The following EIF3F variants were observed in gnomAD, a reference collection of about 807,000 sequenced individuals.
EIF3F encodes the protein deubiquitinating enzyme eIF3f.
In EIF3F, 8 loss-of-function variants were observed where a neutral mutation model predicts 36.0. The observed-to-expected ratio is 0.22, with a 90% CI of 0.13 to 0.40. EIF3F has a LOEUF of 0.40. Among genes scored for constraint, EIF3F ranks in the 10% least tolerant of loss-of-function variants. EIF3F has a pLI of 1.00. For missense variants in EIF3F, 430 were observed against 467.6 expected (o/e 0.92, Z 0.74); for synonymous variants, 184 against 188.5 (o/e 0.98, Z 0.19).
In EIF3F at chr11:7,987,462, C is replaced by G. The variant is rs1413048865; in HGVS notation, c.110C>G (p.Pro37Arg). 1 of 1,604,560 alleles carries G rather than the reference C, an allele frequency of 6.2e-7. No individual in the cohort carries two copies. Among genetic ancestry groups the G allele is most frequent in the African/African-American group, 1.3e-5 (1 of 74,798 alleles). The change falls in exon 1 of 8, where the codon CCG (proline) becomes CGG (arginine). Residue 37 changes from proline (P) to arginine (R), a missense_variant. Physicochemically the swap from Pro to Arg is moderately radical, Grantham distance 103. Coordinates refer to ENST00000651655, the MANE Select transcript of EIF3F (RefSeq NM_003754.3). ...PAPTPAPAAA[P>R]VPAAAPASSS... ...CCAACGCCAGCACCGGCTGCGGCTC[C>G]GGTTCCCGCTGCGGCTCCAGCCTCA...
Position 7,996,225 on chromosome 11 carries a change from C to T in EIF3F, c.*203C>T. 1 of 530,960 alleles carries T rather than the reference C, an allele frequency of 1.9e-6. No individual in the cohort carries two copies. The highest frequency in any genetic ancestry group is 3.4e-6 in the Non-Finnish European group (1 of 297,556). 32.9% of individuals were successfully genotyped at this position (530,960 alleles called of 1,614,324 possible). A position where few individuals can be genotyped will look rare whatever the true frequency, so the allele number is the denominator to read the frequency against. ...TGGAAGGGAGGAAAATGTTTTAGATCACACAGAAACTAGGAAGTGAATATT... is the reference window on the plus strand; with the variant it reads ...TGGAAGGGAGGAAAATGTTTTAGATTACACAGAAACTAGGAAGTGAATATT... On this transcript the variant is annotated 3_prime_UTR_variant, in exon 8 of 8. Transcript: ENST00000651655.
rs186189184 is a variant in EIF3F, at chr11:7,995,232, G to A, written c.883-22G>A. 3.3e-5 allele frequency: 53 copies of A among 1,611,062 alleles called. No individual in the cohort carries two copies. In the African/African-American group the frequency reaches 4.4e-4, roughly 13 times the overall value. The stretch of plus-strand genomic sequence containing the variant: ...AGTGGTTATAATTAACTGCCTCATC[G>A]AGTCTTTGTTTTGGTACTCAGTCTG... On this transcript the variant is annotated intron_variant, in intron 6 of 7. Coordinates refer to ENST00000651655, the MANE Select transcript of EIF3F (RefSeq NM_003754.3).
At chr11:7,991,939 G>C (rs879612019) in intron 2 of EIF3F, 88 bp downstream of exon 2, 1 of 1,532,378 alleles carries the variant, frequency 6.5e-7, no homozygotes, top group Non-Finnish European at 9.0e-7. Flanking sequence ...CTCATAACTA[G>C]AGCTCCTGTA....
chr11:8,001,824 A>T lies in EIF3F; in HGVS notation c.*5802A>T, dbSNP rs1455439575. Reference sequence around the variant, plus strand: ...TGCTGTTAATGTAATTTTTCAAAAAAATATATAAAAATATAAAAACATGAA... The same window carrying T: ...TGCTGTTAATGTAATTTTTCAAAAATATATATAAAAATATAAAAACATGAA... On this transcript the variant is annotated 3_prime_UTR_variant, in exon 8 of 8. Coordinates refer to ENST00000651655, the MANE Select transcript of EIF3F (RefSeq NM_003754.3). 1 of 152,152 alleles carries T rather than the reference A, an allele frequency of 6.6e-6. No individual in the cohort carries two copies. Among genetic ancestry groups the T allele is most frequent in the African/African-American group, 2.4e-5 (1 of 41,450 alleles). 9.4% of individuals were successfully genotyped at this position (152,152 alleles called of 1,614,324 possible). A position where few individuals can be genotyped will look rare whatever the true frequency, so the allele number is the denominator to read the frequency against.
intron 1 of EIF3F, among the ~76,000 whole-genome samples, chr11:7,991,309 G>A (rs537494469): frequency 3.3e-5 from 5 of 152,178 alleles, no homozygotes; most frequent in African/African-American, 1.2e-4. Context: ...ATGATGATAA[G>A]GTTAAGACTG....
chr11:7,996,196 C>A lies in EIF3F; in HGVS notation c.*174C>A. 1 of 574,602 alleles carries A rather than the reference C, an allele frequency of 1.7e-6. No individual in the cohort carries two copies. Among genetic ancestry groups the A allele is most frequent in the Non-Finnish European group, 3.1e-6 (1 of 326,670 alleles). 35.6% of individuals were successfully genotyped at this position (574,602 alleles called of 1,614,324 possible). Reference sequence around the variant, plus strand: ...ATTTCATCTTATGTGAGTTTATTGCCGGGTGGAAGGGAGGAAAATGTTTTA... The same window carrying A: ...ATTTCATCTTATGTGAGTTTATTGCAGGGTGGAAGGGAGGAAAATGTTTTA... On this transcript the variant is annotated 3_prime_UTR_variant, in exon 8 of 8. Coordinates refer to ENST00000651655, the MANE Select transcript of EIF3F (RefSeq NM_003754.3).
rs981949192 is a variant in EIF3F at position 7,998,736 on chromosome 11, T to C, written c.*2714T>C. ...TATATGATAAAAAACAAAAGAATGA[T>C]AAAAATTCCCAATAATGTTTACTTT... On this transcript the variant is annotated 3_prime_UTR_variant, in exon 8 of 8. Coordinates refer to ENST00000651655, the MANE Select transcript of EIF3F (RefSeq NM_003754.3). The C allele has an allele frequency of 6.6e-6, 1 of 152,150 alleles. No individual in the cohort carries two copies. Among genetic ancestry groups the C allele is most frequent in the African/African-American group, 2.4e-5 (1 of 41,440 alleles). 9.4% of individuals were successfully genotyped at this position (152,150 alleles called of 1,614,324 possible).
Position 7,993,043 on chromosome 11 carries a change from T to G in EIF3F, c.653+19T>G. On this transcript the variant is annotated intron_variant, in intron 4 of 7. Coordinates refer to ENST00000651655, the MANE Select transcript of EIF3F (RefSeq NM_003754.3). ...ACGTCAGGTGACCACAGTCTTGGGCTACAAGGGCATAAAACCATGCCCAGA... is the reference window on the plus strand; with the variant it reads ...ACGTCAGGTGACCACAGTCTTGGGCGACAAGGGCATAAAACCATGCCCAGA... 1 of 1,559,936 alleles carries G rather than the reference T, an allele frequency of 6.4e-7. No individual in the cohort carries two copies.
intron 1 of EIF3F, 123 bp downstream of exon 1, chr11:7,987,839 C>A: frequency 7.5e-7 from 1 of 1,332,422 alleles, no homozygotes; most frequent in African/African-American, 1.5e-5. Flanking sequence ...TCCCCAATGA[C>A]CTCTTAATCT....
Position 7,998,604 on chromosome 11 carries a change from A to G in EIF3F, c.*2582A>G, listed in dbSNP as rs895935673. On this transcript the variant is annotated 3_prime_UTR_variant, in exon 8 of 8. Coordinates refer to ENST00000651655, the MANE Select transcript of EIF3F (RefSeq NM_003754.3). ...TGTCCGCAAATGGCTGCAAAAGCCC[A>G]GCAAGTACTGATACTGGAGTTAGAA... 2.0e-5 allele frequency: 3 copies of G among 152,240 alleles called. No individual in the cohort carries two copies. Among genetic ancestry groups the G allele is most frequent in the Non-Finnish European group, 4.4e-5 (3 of 68,038 alleles). 9.4% of individuals were successfully genotyped at this position (152,240 alleles called of 1,614,324 possible). A position where few individuals can be genotyped will look rare whatever the true frequency, so the allele number is the denominator to read the frequency against.
intron 7 of EIF3F, 53 bp from the exon 8 acceptor site, chr11:7,995,889 CTTT>C: frequency 4.6e-6 from 7 of 1,518,680 alleles, no homozygotes; most frequent in Middle Eastern, 1.7e-4. Context: ...CAAAGCCAGC[CTTT>C]TTGCTCCCTT....
intron 1 of EIF3F, among the ~76,000 whole-genome samples, chr11:7,989,618 C>T (rs574841161): frequency 2.0e-5 from 3 of 150,914 alleles, no homozygotes; most frequent in Non-Finnish European, 4.4e-5. Flanking sequence ...TAACCTTAAA[C>T]TCAAGATAGA....
In EIF3F at chr11:7,987,783, C is replaced by T. The variant is rs1648667210; in HGVS notation, c.364+67C>T. On this transcript the variant is annotated intron_variant, in intron 1 of 7. Transcript: ENST00000651655. ...CTTCTCATTTATCTCACTCCCCTAA[C>T]TCATTAATTCTTTAATTCCTGGTGT... 3.6e-6 allele frequency: 5 copies of T among 1,398,408 alleles called. No individual in the cohort carries two copies. The Admixed American group carries it at 1.0e-4, about 28-fold the overall frequency. The allele number at this position is 1,398,408 out of a possible 1,614,324, so 86.6% of individuals were successfully genotyped here.
chr11:7,999,893 C>T lies in EIF3F; in HGVS notation c.*3871C>T, dbSNP rs1026227896. ...TGTTCACAATCGCCAAGACATCAAC[C>T]TAAGTGTCCATCAACAGAAGATAGA... On this transcript the variant is annotated 3_prime_UTR_variant, in exon 8 of 8. Transcript: ENST00000651655. The T allele has an allele frequency of 1.3e-5, 2 of 152,214 alleles. No homozygotes were observed. Among genetic ancestry groups the T allele is most frequent in the African/African-American group, 4.8e-5 (2 of 41,442 alleles). 9.4% of individuals were successfully genotyped at this position (152,214 alleles called of 1,614,324 possible).
Position 7,987,401 on chromosome 11 carries a change from C to G in EIF3F, c.49C>G (p.Pro17Ala), listed in dbSNP as rs750034387. 22 of 1,600,510 alleles carry G rather than the reference C, an allele frequency of 1.4e-5. No individual in the cohort carries two copies. The highest frequency in any genetic ancestry group is 1.8e-5 in the Non-Finnish European group (21 of 1,179,482). Residue 17 changes from proline (P) to alanine (A), a missense_variant, in exon 1 of 8, where the codon CCA (proline) becomes GCA (alanine). By Grantham distance (27) the Pro-to-Ala change is conservative. Around this residue, in one of 2 missense-constraint regions of EIF3F, gnomAD observed 168 missense variants for 120.2 expected, o/e 1.40. Coordinates refer to ENST00000651655, the MANE Select transcript of EIF3F (RefSeq NM_003754.3). ...AAGTGCTCCTCCGGCCACGCCAACC[C>G]CAGTCCCGGCGGCGGCCCCAGCCTC... ...PVSAPPATPT[P>A]VPAAAPASVP...
chr11:7,987,496 C>A lies in EIF3F; in HGVS notation c.144C>A (p.Asp48Glu). ...CTGCGGCTCCAGCCTCATCCTCAGA[C>A]CCTGCGGCAGCAGCGGCTGCAACTG... ...VPAAAPASSS[D>E]PAAAAAATAA... is the part of the protein sequence containing the mutation. Residue 48 changes from aspartate to glutamate, a missense_variant, in exon 1 of 8, where the codon GAC becomes GAA. Physicochemically the swap from Asp to Glu is conservative, Grantham distance 45. Around this residue, in one of 2 missense-constraint regions of EIF3F, gnomAD observed 168 missense variants for 120.2 expected, o/e 1.40. Transcript: ENST00000651655. The A allele has an allele frequency of 6.2e-7, 1 of 1,606,686 alleles. No homozygotes were observed. Among genetic ancestry groups the A allele is most frequent in the Non-Finnish European group, 8.5e-7 (1 of 1,177,988 alleles).
chr11:7,987,914 C>T (rs1471688625), intron 1 of EIF3F, 198 bp downstream of exon 1: 4 of 755,118 alleles, frequency 5.3e-6, no homozygotes, highest in African/African-American at 3.7e-5. Context: ...CCTCTCTCTC[C>T]TGCCGGATTG....
rs756899150 is a variant in EIF3F, at chr11:7,987,365, G to A, written c.13G>A (p.Ala5Thr). The A allele has an allele frequency of 6.3e-7, 1 of 1,594,072 alleles. No homozygotes were observed. The highest frequency in any genetic ancestry group is 2.2e-5 in the East Asian group (1 of 44,652). MATP[A>T]VPVSAPPATP... ...CTTTCTCGACAAGATGGCCACACCG[G>A]CGGTACCAGTAAGTGCTCCTCCGGC... Residue 5 changes from alanine to threonine, a missense_variant, in exon 1 of 8, where the codon GCG (alanine) becomes ACG (threonine). Transcript: ENST00000651655.
chr11:7,989,906 A>G (rs1286198375), intron 1 of EIF3F, among the ~76,000 whole-genome samples: 1 of 152,264 alleles, frequency 6.6e-6, no homozygotes, highest in African/African-American at 2.4e-5. Context: ...CCTAAGAAGT[A>G]TTAAATAATT....
Sources: gnomAD v4.1 joint callset for allele counts (sites outside exome capture counted in the v4.1 genomes callset) on GRCh38, gnomAD v4.1.1 for gene constraint, gnomAD v4.1.1 regional missense constraint, MANE v1.5 for transcripts, NCBI Gene and HGNC (gene_info 2026-07-23, HGNC 2026-07-21) for gene names.